UBXN7: variants seen among roughly 807,000 people sequenced by gnomAD.
UBXN7 encodes the protein UBX domain protein 7.
In UBXN7, 9 loss-of-function variants were observed where a neutral mutation model predicts 58.0. That is an observed-to-expected ratio of 0.16 (90% CI 0.09 to 0.27). The LOEUF (loss-of-function observed/expected upper bound fraction) is 0.27. Among genes scored for constraint, UBXN7 ranks in the 10% least tolerant of loss-of-function variants. The pLI is 1.00. For missense variants in UBXN7, 328 were observed against 599.6 expected, an observed-to-expected ratio of 0.55 and a Z score of 4.73; for synonymous variants, 208 against 205.0, an observed-to-expected ratio of 1.01 and a Z score of -0.12.
chr3:196,432,414 C>A lies in UBXN7; in HGVS notation c.-15G>T. The A allele has an allele frequency of 6.3e-7, 1 of 1,582,110 alleles. No individual in the cohort carries two copies. Among genetic ancestry groups the A allele is most frequent in the Admixed American group, 1.7e-5 (1 of 58,364 alleles). On this transcript the variant is annotated 5_prime_UTR_variant, in exon 1 of 11. Transcript: ENST00000296328. ...TGGGCAGCCATCTTACCGCCGCCGCCGCCGCCGAACAACAACACAGACACA... is the reference window on the plus strand; with the variant it reads ...TGGGCAGCCATCTTACCGCCGCCGCAGCCGCCGAACAACAACACAGACACA...
intron 1 of UBXN7, among the ~76,000 whole-genome samples, chr3:196,427,516 C>A (rs1730886887): frequency 6.6e-6 from 1 of 152,196 alleles, no homozygotes; most frequent in Non-Finnish European, 1.5e-5. Context: ...CAGGGTTTCA[C>A]CAGGTTGGCC....
chr3:196,422,952 G>A (rs1484639392), intron 1 of UBXN7, among the ~76,000 whole-genome samples: 1 of 152,196 alleles, frequency 6.6e-6, no homozygotes, highest in African/African-American at 2.4e-5. Context: ...ATGACAACAT[G>A]AATGAATCTC....
intron 5 of UBXN7, among the ~76,000 whole-genome samples, chr3:196,376,057 T>C (rs981770182): frequency 2.6e-5 from 4 of 152,022 alleles, no homozygotes; most frequent in Non-Finnish European, 5.9e-5. Context: ...AATGAAGGAT[T>C]TGAACAAATT....
chr3:196,411,962 C>T (rs1026558155), intron 1 of UBXN7, among the ~76,000 whole-genome samples: 2 of 152,120 alleles, frequency 1.3e-5, no homozygotes, highest in African/African-American at 4.8e-5. Flanking sequence ...GGTGCGGTGG[C>T]TCATGCCTGT....
chr3:196,369,400 G>A (rs73213952), intron 7 of UBXN7, 21 bp downstream of exon 7: 109,679 of 1,544,772 alleles, frequency 0.071, 4,591 homozygotes, highest in South Asian at 0.13. Flanking sequence ...GTTAAAAGCT[G>A]CGTGCTGATA....
intron 1 of UBXN7, among the ~76,000 whole-genome samples, chr3:196,415,557 C>T (rs914405302): frequency 4.0e-5 from 6 of 148,938 alleles, no homozygotes; most frequent in Non-Finnish European, 7.5e-5. Context: ...CAGGTGGTCA[C>T]GAGGTCAGGA....
At chr3:196,403,159 T>G in intron 2 of UBXN7, 140 bp from the exon 3 acceptor site, 1 of 867,494 alleles carries the variant, frequency 1.2e-6, no homozygotes, top group Non-Finnish European at 1.7e-6. Context: ...TGTTGCTATT[T>G]TTTTGGGGGG....
intron 1 of UBXN7, among the ~76,000 whole-genome samples, chr3:196,421,888 C>G (rs1730698690): frequency 6.6e-6 from 1 of 151,922 alleles, no homozygotes; most frequent in South Asian, 2.1e-4. Flanking sequence ...CCATTACACA[C>G]TTATTGAAAT....
chr3:196,398,031 A>G (rs1388710777), intron 3 of UBXN7, among the ~76,000 whole-genome samples: 1 of 152,196 alleles, frequency 6.6e-6, no homozygotes, highest in Non-Finnish European at 1.5e-5. Context: ...GGCAGGATTG[A>G]ACAGAATGTG....
chr3:196,371,657 A>T (rs1435204404), intron 6 of UBXN7, among the ~76,000 whole-genome samples: 4 of 151,772 alleles, frequency 2.6e-5, no homozygotes, highest in African/African-American at 9.7e-5. Context: ...GATTTTTTGT[A>T]TTTTTAGGAG....
chr3:196,367,894 TA>T, intron 8 of UBXN7, 133 bp downstream of exon 8: 1 of 1,258,368 alleles, frequency 7.9e-7, no homozygotes, highest in Non-Finnish European at 1.1e-6. Flanking sequence ...GGAGGATATC[TA>T]AGATGCTATA....
intron 5 of UBXN7, among the ~76,000 whole-genome samples, chr3:196,381,208 C>T (rs1299670034): frequency 6.6e-6 from 1 of 152,242 alleles, no homozygotes; most frequent in Non-Finnish European, 1.5e-5. Flanking sequence ...TGTAGCCTAA[C>T]TGGGAGACAT....
chr3:196,421,971 G>A (rs1169038362), intron 1 of UBXN7, among the ~76,000 whole-genome samples: 1 of 152,104 alleles, frequency 6.6e-6, no homozygotes. Flanking sequence ...GGTTGAGGCG[G>A]GCAGATCACT....
At position 196,401,108 on chromosome 3, in the gene UBXN7, C is replaced by T. The variant is rs118071378; in HGVS notation, c.289+1844G>A. 3.6e-3 allele frequency among the ~76,000 whole-genome samples: 548 copies of T among 150,832 alleles called. 20 individuals are homozygous for T. The South Asian group carries it at 0.074, about 21-fold the overall frequency. Reference sequence around the variant, plus strand: ...CTTGCTATAATAAACACCAAAGCTGCCAAGTTAAAAACATTTATCTCGGCC... The same window carrying T: ...CTTGCTATAATAAACACCAAAGCTGTCAAGTTAAAAACATTTATCTCGGCC... On this transcript the variant is annotated intron_variant, in intron 3 of 10. Transcript: ENST00000296328.
chr3:196,396,222 G>C (rs1729765983), intron 3 of UBXN7, among the ~76,000 whole-genome samples: 1 of 150,224 alleles, frequency 6.7e-6, no homozygotes, highest in Non-Finnish European at 1.5e-5. Context: ...AAATGTACAT[G>C]GCCTCTAGCA....
chr3:196,424,594 C>G (rs2108626487), intron 1 of UBXN7, among the ~76,000 whole-genome samples: 1 of 151,754 alleles, frequency 6.6e-6, no homozygotes, highest in South Asian at 2.1e-4. Flanking sequence ...CTATGTTGCC[C>G]AAGCTGGTCT....
intron 10 of UBXN7, among the ~76,000 whole-genome samples, chr3:196,359,843 T>G (rs560417982): frequency 6.6e-6 from 1 of 151,404 alleles, no homozygotes; most frequent in South Asian, 2.1e-4. Flanking sequence ...GAGGCGGAGG[T>G]TGCAGTGAGC....
In UBXN7 at chr3:196,432,363, G is replaced by C. The variant is rs199874408; in HGVS notation, c.37C>G (p.Leu13Val). ...GTGAACTGTTGAATTAACCCCTTCAGCGCCGAGGACGCCGCGGAGCCCCCG... is the reference window on the plus strand; with the variant it reads ...GTGAACTGTTGAATTAACCCCTTCACCGCCGAGGACGCCGCGGAGCCCCCG... ...AHGGSAASSA[L>V]KGLIQQFTTI... is the part of the protein sequence containing the mutation. The change falls in exon 1 of 11, where the codon CTG (leucine) becomes GTG (valine). Residue 13 changes from leucine to valine, a missense_variant. Transcript: ENST00000296328. The C allele has an allele frequency of 1.7e-5, 27 of 1,599,792 alleles. No individual in the cohort carries two copies. The highest frequency in any genetic ancestry group is 2.3e-5 in the Non-Finnish European group (27 of 1,169,680).
At chr3:196,374,673 G>A (rs1400050953) in intron 5 of UBXN7, among the ~76,000 whole-genome samples, 1 of 150,626 alleles carries the variant, frequency 6.6e-6, no homozygotes, top group Admixed American at 6.6e-5. Flanking sequence ...CTGAGGTCAG[G>A]AGTTCAAGAC....
Sources: gnomAD v4.1 joint callset for allele counts (sites outside exome capture counted in the v4.1 genomes callset) on GRCh38, gnomAD v4.1.1 for gene constraint, MANE v1.5 for transcripts, NCBI Gene and HGNC (gene_info 2026-07-23, HGNC 2026-07-21) for gene names.